The following DMRT2 variants were observed in gnomAD, a reference collection of about 807,000 sequenced individuals.
The protein encoded by DMRT2 is doublesex and mab-3 related transcription factor 2, also known as doublesex- and mab-3-related transcription factor 2.
In DMRT2, 33 loss-of-function variants were observed where a neutral mutation model predicts 43.5. The observed-to-expected ratio is 0.76, with a 90% CI of 0.58 to 1.01. The LOEUF (loss-of-function observed/expected upper bound fraction) is 1.01, where lower values mean the gene tolerates loss of function less well. DMRT2 is among the 50% of genes least tolerant of loss of function. The pLI is 0.00. For synonymous variants in DMRT2, 395 were observed against 309.2 expected, an observed-to-expected ratio of 1.28 and a Z score of -2.91; for missense variants, 1,064 against 748.0, an observed-to-expected ratio of 1.42 and a Z score of -4.93.
In DMRT2 at chr9:1,051,565, C is replaced by T. The variant is rs1376933505; in HGVS notation, c.-44-5C>T. On this transcript the variant is annotated splice_region_variant and splice_polypyrimidine_tract_variant and intron_variant, in intron 1 of 3. Coordinates refer to ENST00000358146, the MANE Select transcript of DMRT2 (RefSeq NM_181872.6). This position sits in a 1 kb window ranked among gnomAD's most constrained non-coding sequence, Gnocchi z 5.9. ...GGGTCTTTGGATTTCTTTGTGTTTCCCCAGAGTGAGGGCCGCCAGGCTCAG... is the reference window on the plus strand; with the variant it reads ...GGGTCTTTGGATTTCTTTGTGTTTCTCCAGAGTGAGGGCCGCCAGGCTCAG... The T allele has an allele frequency of 6.8e-7, 1 of 1,467,990 alleles. No individual in the cohort carries two copies. The highest frequency in any genetic ancestry group is 1.5e-5 in the African/African-American group (1 of 68,310). The allele number at this position is 1,467,990 out of a possible 1,614,324, so 90.9% of individuals were successfully genotyped here.
At chr9:1,055,718 C>A in intron 3 of DMRT2, 1 of 1,460,936 alleles carries the variant, frequency 6.8e-7, no homozygotes. Context: ...CTCTTTTTTC[C>A]TAGTTCTCCT....
In DMRT2 at chr9:1,051,424, G is replaced by C; in HGVS notation, c.-44-146G>C. On this transcript the variant is annotated intron_variant, in intron 1 of 3. Coordinates refer to ENST00000358146, the MANE Select transcript of DMRT2 (RefSeq NM_181872.6). The surrounding 1 kb of genome is among the most constrained non-coding windows in gnomAD (Gnocchi z 5.9). ...GGCCCTGGAGATACAGGAAAGGCACGTGTGGCCTGGAAGTGAGGGACATGT... is the reference window on the plus strand; with the variant it reads ...GGCCCTGGAGATACAGGAAAGGCACCTGTGGCCTGGAAGTGAGGGACATGT... 1 of 913,816 alleles carries C rather than the reference G, an allele frequency of 1.1e-6. No homozygotes were observed. The highest frequency in any genetic ancestry group is 1.5e-6 in the Non-Finnish European group (1 of 665,652). 56.6% of individuals were successfully genotyped at this position (913,816 alleles called of 1,614,324 possible).
In DMRT2 at chr9:1,052,047, G is replaced by A; in HGVS notation, c.434G>A (p.Arg145His). The A allele has an allele frequency of 6.8e-7, 1 of 1,471,872 alleles. No individual in the cohort carries two copies. Among genetic ancestry groups the A allele is most frequent in the Non-Finnish European group, 8.9e-7 (1 of 1,118,016 alleles). The allele number at this position is 1,471,872 out of a possible 1,614,324, so 91.2% of individuals were successfully genotyped here. ...LKGHKRFCRWRDCQCANCLLV... is the reference protein window; with the variant it reads ...LKGHKRFCRWHDCQCANCLLV... ...GGCCACAAGCGCTTCTGTCGCTGGC[G>A]CGACTGCCAGTGCGCCAACTGCCTG... Residue 145 changes from arginine to histidine, a missense_variant, in exon 2 of 4, where the codon CGC (arginine) becomes CAC (histidine). Transcript: ENST00000358146.
Position 1,056,298 on chromosome 9 carries a change from A to G in DMRT2, c.711A>G (p.Arg237=). 6.2e-7 allele frequency: 1 copy of G among 1,614,238 alleles called. No individual in the cohort carries two copies. Among genetic ancestry groups the G allele is most frequent in the Non-Finnish European group, 8.5e-7 (1 of 1,180,042 alleles). Residue 237 remains arginine, a synonymous_variant, in exon 4 of 4, where the codon AGA becomes AGG. Transcript: ENST00000358146. ...CAGTTAGTGACAGGATGAGGAAAAGAAGAGCCTTTGCTGATAAAGAGTTGG... is the reference window on the plus strand; with the variant it reads ...CAGTTAGTGACAGGATGAGGAAAAGGAGAGCCTTTGCTGATAAAGAGTTGG... The part of the protein sequence containing the change: ...PPPVSDRMRK[R]RAFADKELEN...
chr9:1,053,653 C>T, intron 2 of DMRT2, 69 bp from the exon 3 acceptor site: 1 of 1,306,916 alleles, frequency 7.7e-7, no homozygotes, highest in Admixed American at 2.0e-5. Flanking sequence ...TTACGGACAT[C>T]CCGTCCTTCC....
rs774653993 is a variant in DMRT2 at position 1,056,977 on chromosome 9, C to G, written c.1390C>G (p.Leu464Val). The G allele has an allele frequency of 2.5e-6, 4 of 1,614,092 alleles. No homozygotes were observed. The African/African-American group carries it at 5.3e-5, about 22-fold the overall frequency. Reference sequence around the variant, plus strand: ...CAGCAAAGAAAACACCAGGCACCCTCTGCCACTTAGACATAATCCATTCCA... The same window carrying G: ...CAGCAAAGAAAACACCAGGCACCCTGTGCCACTTAGACATAATCCATTCCA... The part of the protein sequence containing the change: ...KISKENTRHP[L>V]PLRHNPFHSL... The change falls in exon 4 of 4, where the codon CTG becomes GTG. Residue 464 changes from leucine (L) to valine (V), a missense_variant. Physicochemically the swap from Leu to Val is conservative, Grantham distance 32 (BLOSUM62 1). Coordinates refer to ENST00000358146, the MANE Select transcript of DMRT2 (RefSeq NM_181872.6).
In DMRT2 at chr9:1,056,392, T is replaced by C. The variant is rs1405767972; in HGVS notation, c.805T>C (p.Phe269Leu). Residue 269 changes from phenylalanine to leucine, a missense_variant, in exon 4 of 4, where the codon TTT becomes CTT. Coordinates refer to ENST00000358146, the MANE Select transcript of DMRT2 (RefSeq NM_181872.6). ...MLETSQAAALFLPNRMVPGPD... is the reference protein window; with the variant it reads ...MLETSQAAALLLPNRMVPGPD... ...GGAAACTTCTCAAGCTGCTGCTCTG[T>C]TTCTGCCCAACCGCATGGTGCCTGG... 1.2e-6 allele frequency: 2 copies of C among 1,614,154 alleles called. No individual in the cohort carries two copies. The highest frequency in any genetic ancestry group is 3.3e-5 in the Admixed American group (2 of 60,024).
At chr9:1,052,407 C>A (rs572483428) in intron 2 of DMRT2, among the ~76,000 whole-genome samples, 12 of 152,070 alleles carry the variant, frequency 7.9e-5, no homozygotes, top group African/African-American at 2.7e-4. Context: ...TGGAACATCG[C>A]GAGAAAATCA....
At chr9:1,053,949 G>C in intron 3 of DMRT2, 125 bp downstream of exon 3, 1 of 787,842 alleles carries the variant, frequency 1.3e-6, no homozygotes, top group East Asian at 2.7e-5. Context: ...TTATTAGAAA[G>C]GTTTTGTTTA....
At position 1,057,256 on chromosome 9, in the gene DMRT2, A is replaced by G. The variant is rs556197778; in HGVS notation, c.1669A>G (p.Thr557Ala). The G allele has an allele frequency of 4.9e-5, 79 of 1,610,274 alleles. No homozygotes were observed. In the Admixed American group the frequency reaches 1.1e-3, roughly 23 times the overall value. Residue 557 changes from threonine (T) to alanine (A), a missense_variant, in exon 4 of 4, where the codon ACT (threonine) becomes GCT (alanine). Physicochemically the swap from Thr to Ala is moderately conservative, Grantham distance 58. Coordinates refer to ENST00000358146, the MANE Select transcript of DMRT2 (RefSeq NM_181872.6). ...SILKRPSSAI[T>A]RVSQ is the part of the protein sequence containing the mutation. The stretch of plus-strand genomic sequence containing the variant: ...TCTTAAGAGGCCTTCATCTGCCATC[A>G]CTCGTGTCTCTCAGTGAAAGGCTGC...
Position 1,056,748 on chromosome 9 carries a change from C to T in DMRT2, c.1161C>T (p.Leu387=). 6.2e-7 allele frequency: 1 copy of T among 1,614,126 alleles called. No individual in the cohort carries two copies. Among genetic ancestry groups the T allele is most frequent in the South Asian group, 1.1e-5 (1 of 91,080 alleles). Residue 387 remains leucine (L), a synonymous_variant, in exon 4 of 4, where the codon CTC becomes CTT. Coordinates refer to ENST00000358146, the MANE Select transcript of DMRT2 (RefSeq NM_181872.6). The stretch of plus-strand genomic sequence containing the variant: ...AGGGAGCACGAGTCCAGGATGGACT[C>T]AGTGCAGAGCAGGACATGATGCCAT... ...DLKGARVQDG[L]SAEQDMMPSK...
chr9:1,052,364 G>A (rs895362089), intron 2 of DMRT2, among the ~76,000 whole-genome samples: 2 of 152,170 alleles, frequency 1.3e-5, no homozygotes, highest in East Asian at 1.9e-4. Flanking sequence ...TTAAAAAGCA[G>A]GCAGAGAGGC....
chr9:1,056,261 C>T lies in DMRT2; in HGVS notation c.674C>T (p.Pro225Leu), dbSNP rs752382017. 3.7e-6 allele frequency: 6 copies of T among 1,614,124 alleles called. No homozygotes were observed. Among genetic ancestry groups the T allele is most frequent in the Non-Finnish European group, 5.1e-6 (6 of 1,179,996 alleles). ...PAETYVGGTF[P>L]LPPPVSDRMR... Reference sequence around the variant, plus strand: ...GAGACTTATGTAGGAGGGACCTTCCCTCTACCTCCCCCAGTTAGTGACAGG... The same window carrying T: ...GAGACTTATGTAGGAGGGACCTTCCTTCTACCTCCCCCAGTTAGTGACAGG... Residue 225 changes from proline to leucine, a missense_variant, in exon 4 of 4, where the codon CCT (proline) becomes CTT (leucine). Physicochemically the swap from Pro to Leu is moderately conservative, Grantham distance 98 (BLOSUM62 -3). Transcript: ENST00000358146.
Position 1,056,914 on chromosome 9 carries a change from G to A in DMRT2, c.1327G>A (p.Asp443Asn), listed in dbSNP as rs762245772. Residue 443 changes from aspartate to asparagine, a missense_variant, in exon 4 of 4, where the codon GAC (aspartate) becomes AAC (asparagine). Transcript: ENST00000358146. ...RRNFSPIVDT[D>N]SLAAQGHVLT... Reference sequence around the variant, plus strand: ...GAATTTCTCTCCCATTGTTGACACGGACTCCCTGGCAGCTCAAGGGCATGT... The same window carrying A: ...GAATTTCTCTCCCATTGTTGACACGAACTCCCTGGCAGCTCAAGGGCATGT... 2 of 1,614,124 alleles carry A rather than the reference G, an allele frequency of 1.2e-6. No homozygotes were observed. The highest frequency in any genetic ancestry group is 1.7e-6 in the Non-Finnish European group (2 of 1,180,032).
chr9:1,056,125 T>A, intron 3 of DMRT2, 91 bp from the exon 4 acceptor site: 1 of 1,516,152 alleles, frequency 6.6e-7, no homozygotes, highest in Non-Finnish European at 8.8e-7. Context: ...ATTGTTCTGC[T>A]GATCTGTAGT....
rs2130186329 is a variant in DMRT2 at position 1,051,287 on chromosome 9, C to T, written c.-44-283C>T. On this transcript the variant is annotated intron_variant, in intron 1 of 3. Transcript: ENST00000358146. The surrounding 1 kb of genome is among the most constrained non-coding windows in gnomAD (Gnocchi z 5.9). ...GTGTGATAAGTGAGTTACCCAGGGA[C>T]TTGTCCGGAAAGCCCGTGTAAAGCC... 6.6e-6 allele frequency among the ~76,000 whole-genome samples: 1 copy of T among 152,294 alleles called. No homozygotes were observed. Among genetic ancestry groups the T allele is most frequent in the South Asian group, 2.1e-4 (1 of 4,828 alleles).
chr9:1,053,916 GCT>G, intron 3 of DMRT2, 92 bp downstream of exon 3: 1 of 1,088,372 alleles, frequency 9.2e-7, no homozygotes, highest in Non-Finnish European at 1.3e-6. Flanking sequence ...CTGTGAAAGA[GCT>G]ATCTAAAGGG....
rs182646996 is a variant in DMRT2, at chr9:1,056,562, T to C, written c.975T>C (p.Asn325=). 19 of 1,614,240 alleles carry C rather than the reference T, an allele frequency of 1.2e-5. No individual in the cohort carries two copies. In the East Asian group the frequency reaches 4.2e-4, roughly 36 times the overall value. The part of the protein sequence containing the change: ...GSGNMELISS[N]VSVATTYRQY... ...GGAATATGGAACTAATTTCTTCTAA[T>C]GTCAGCGTGGCCACAACTTATAGAC... is the stretch of plus-strand genomic sequence containing the variant. The change falls in exon 4 of 4, where the codon AAT becomes AAC. Residue 325 remains asparagine, a synonymous_variant. Coordinates refer to ENST00000358146, the MANE Select transcript of DMRT2 (RefSeq NM_181872.6).
intron 3 of DMRT2, 28 bp from the exon 4 acceptor site, chr9:1,056,188 T>A (rs756612843): frequency 1.3e-6 from 2 of 1,571,508 alleles, no homozygotes; most frequent in Admixed American, 3.9e-5. Context: ...TGTTAATCTC[T>A]TTCATGTGCA....
Sources: allele counts gnomAD v4.1 joint callset (sites outside exome capture counted in the v4.1 genomes callset), GRCh38; gene constraint gnomAD v4.1.1; non-coding constraint Gnocchi (gnomAD v3.1); transcripts MANE v1.5; gene names NCBI Gene and HGNC (gene_info 2026-07-23, HGNC 2026-07-21).